The following MARCHF10 variants were observed in gnomAD, a reference collection of about 807,000 sequenced individuals.
MARCHF10 encodes probable E3 ubiquitin-protein ligase MARCHF10.
MARCHF10 carries 64 observed loss-of-function variants against 76.2 expected under a neutral mutation model. That is an observed-to-expected ratio of 0.84 (90% CI 0.69 to 1.03). The LOEUF is 1.03. Ranked by LOEUF, MARCHF10 falls within the 50% of genes least tolerant of loss-of-function variation. The pLI, the probability that MARCHF10 is intolerant of heterozygous loss-of-function variation, is 0.00. For synonymous variants in MARCHF10, 340 were observed against 357.5 expected, an observed-to-expected ratio of 0.95 and a Z score of 0.55; for missense variants, 875 against 958.0, an observed-to-expected ratio of 0.91 and a Z score of 1.14.
At chr17:62,801,585 CTGAA>C (rs2093074172) in intron 2 of MARCHF10, 57 bp downstream of exon 2, 2 of 1,402,264 alleles carry the variant, frequency 1.4e-6, no homozygotes, top group African/African-American at 2.9e-5. Flanking sequence ...ATGCTGTATT[CTGAA>C]TTCTCTCTAA....
At chr17:62,709,654 G>C (rs574337111) in intron 9 of MARCHF10, among the ~76,000 whole-genome samples, 1 of 152,296 alleles carries the variant, frequency 6.6e-6, no homozygotes, top group South Asian at 2.1e-4. Context: ...GTTACCATCA[G>C]ATTCTGAATG....
chr17:62,747,040 T>C, intron 4 of MARCHF10: 1 of 1,177,494 alleles, frequency 8.5e-7, no homozygotes, highest in Non-Finnish European at 1.2e-6. Flanking sequence ...TTAAATATTC[T>C]AAAATTGCTT....
chr17:62,788,446 G>A, intron 3 of MARCHF10, 34 bp downstream of exon 3: 1 of 1,612,446 alleles, frequency 6.2e-7, no homozygotes, highest in Non-Finnish European at 8.5e-7. Flanking sequence ...AGCAGCAGCA[G>A]CCCCAGGAGA....
intron 4 of MARCHF10, among the ~76,000 whole-genome samples, chr17:62,751,056 G>A (rs1844582195): frequency 6.6e-6 from 1 of 152,184 alleles, no homozygotes; most frequent in African/African-American, 2.4e-5. Context: ...GGGATCATGC[G>A]AAGGGAGAAA....
chr17:62,713,320 G>A (rs1054880526), intron 8 of MARCHF10, among the ~76,000 whole-genome samples: 3 of 152,184 alleles, frequency 2.0e-5, no homozygotes, highest in Non-Finnish European at 4.4e-5. Context: ...AAATGGTTTG[G>A]AACTATCAGG....
intron 5 of MARCHF10, among the ~76,000 whole-genome samples, chr17:62,741,978 A>G (rs574135082): frequency 9.2e-4 from 138 of 150,776 alleles, no homozygotes; most frequent in African/African-American, 3.3e-3. Context: ...GATTACAGGC[A>G]TGAGCCACCG....
At chr17:62,807,693 G>A (rs1169291580) in intron 1 of MARCHF10, among the ~76,000 whole-genome samples, 1 of 151,988 alleles carries the variant, frequency 6.6e-6, no homozygotes, top group Non-Finnish European at 1.5e-5. Context: ...AGCCTGGGAG[G>A]TCGAGGCTGC....
chr17:62,741,920 G>A (rs769619270), intron 5 of MARCHF10, among the ~76,000 whole-genome samples: 11 of 151,874 alleles, frequency 7.2e-5, no homozygotes, highest in Admixed American at 2.0e-4. Context: ...GGATGGTCTC[G>A]ATCTCCTGAC....
intron 8 of MARCHF10, among the ~76,000 whole-genome samples, chr17:62,718,700 A>T (rs577710831): frequency 6.6e-6 from 1 of 152,102 alleles, no homozygotes; most frequent in Non-Finnish European, 1.5e-5. Flanking sequence ...CGCCTCCCAC[A>T]TGCTCAGCGT....
chr17:62,771,789 C>T (rs777003223), intron 3 of MARCHF10, among the ~76,000 whole-genome samples: 1 of 151,922 alleles, frequency 6.6e-6, no homozygotes, highest in Non-Finnish European at 1.5e-5. Context: ...GTTGGCCAGG[C>T]TGGTCTCAAA....
At chr17:62,726,421 T>G (rs1051414068) in intron 6 of MARCHF10, among the ~76,000 whole-genome samples, 16 of 152,254 alleles carry the variant, frequency 1.1e-4, no homozygotes, top group African/African-American at 3.4e-4. Context: ...AGAAGCAGAA[T>G]TACAGTTTTC....
chr17:62,767,988 CT>C (rs967484934), intron 3 of MARCHF10, among the ~76,000 whole-genome samples: 3 of 152,220 alleles, frequency 2.0e-5, no homozygotes, highest in Admixed American at 2.0e-4. Context: ...GGCCCTGCAC[CT>C]CTGCCTATCA....
intron 9 of MARCHF10, among the ~76,000 whole-genome samples, chr17:62,708,857 T>C (rs1482313792): frequency 6.6e-6 from 1 of 152,124 alleles, no homozygotes; most frequent in East Asian, 1.9e-4. Flanking sequence ...TTTGCATTCA[T>C]ATAGCTCACA....
At chr17:62,774,235 G>A (rs2092504045) in intron 3 of MARCHF10, among the ~76,000 whole-genome samples, 1 of 152,166 alleles carries the variant, frequency 6.6e-6, no homozygotes, top group South Asian at 2.1e-4. Flanking sequence ...GGGGATGGGG[G>A]TGGCAGAGTG....
intron 4 of MARCHF10, among the ~76,000 whole-genome samples, chr17:62,746,463 A>AAGAG (rs148088908): frequency 2.5e-4 from 38 of 150,736 alleles, no homozygotes; most frequent in South Asian, 1.0e-3. Context: ...GAGAGACAGA[A>AAGAG]AGACAGAGAG....
At chr17:62,799,660 C>T (rs890252783) in intron 2 of MARCHF10, among the ~76,000 whole-genome samples, 1 of 151,780 alleles carries the variant, frequency 6.6e-6, no homozygotes, top group African/African-American at 2.4e-5. Context: ...GCAGGAGAAT[C>T]GCTTGAACCC....
At chr17:62,756,764 C>T (rs1369113649) in intron 4 of MARCHF10, among the ~76,000 whole-genome samples, 1 of 152,156 alleles carries the variant, frequency 6.6e-6, no homozygotes, top group Admixed American at 6.5e-5. Context: ...CAAAGGTAGA[C>T]AGCAAATAAA....
intron 10 of MARCHF10, chr17:62,703,238 G>A (rs143689912): frequency 0.023 from 3,470 of 152,454 alleles, 78 homozygotes; most frequent in African/African-American, 0.049. Context: ...TACCTGGTGT[G>A]CCCTGATGTT....
intron 8 of MARCHF10, among the ~76,000 whole-genome samples, 200 bp downstream of exon 8, chr17:62,722,277 CAAAAAAAAAAA>C (rs57370093): frequency 1.3e-5 from 1 of 78,962 alleles, no homozygotes; most frequent in Admixed American, 1.5e-4. Context: ...GACTCTGTCT[CAAAAAAAAAAA>C]AAAAAAAAAA....
Sources: gnomAD v4.1 joint callset for allele counts (sites outside exome capture counted in the v4.1 genomes callset) on GRCh38, gnomAD v4.1.1 for gene constraint, MANE v1.5 for transcripts, NCBI Gene and HGNC (gene_info 2026-07-23, HGNC 2026-07-21) for gene names.